DCLK2: variants seen among roughly 807,000 people sequenced by gnomAD.
The protein encoded by DCLK2 is serine/threonine-protein kinase DCLK2.
Under a neutral mutation model 78.4 loss-of-function variants are expected in DCLK2, and 31 were observed. The ratio of observed to expected loss-of-function variants is 0.40; its 90% CI spans 0.30 to 0.53. The LOEUF is 0.53. Among genes scored for constraint, DCLK2 ranks in the 20% least tolerant of loss-of-function variants. The pLI is 0.61. For synonymous variants in DCLK2, 407 were observed against 374.9 expected, an observed-to-expected ratio of 1.09 and a Z score of -0.99; for missense variants, 872 against 973.7, an observed-to-expected ratio of 0.90 and a Z score of 1.39.
chr4:150,231,186 T>G (rs1742028848), intron 8 of DCLK2, among the ~76,000 whole-genome samples: 1 of 152,246 alleles, frequency 6.6e-6, no homozygotes. Context: ...CAGTGACTGT[T>G]TCCAAGGATA....
At chr4:150,184,824 A>G (rs565706722) in intron 2 of DCLK2, among the ~76,000 whole-genome samples, 9 of 151,880 alleles carry the variant, frequency 5.9e-5, no homozygotes, top group Admixed American at 3.9e-4. Flanking sequence ...GATGGTCTCA[A>G]TCTCCTGACC....
intron 1 of DCLK2, among the ~76,000 whole-genome samples, chr4:150,093,069 T>C (rs1196636193): frequency 6.6e-6 from 1 of 152,328 alleles, no homozygotes; most frequent in East Asian, 1.9e-4. Flanking sequence ...GTTAAACTAA[T>C]ACATTCAGTA....
At chr4:150,237,502 A>G in intron 10 of DCLK2, among the ~76,000 whole-genome samples, 1 of 152,204 alleles carries the variant, frequency 6.6e-6, no homozygotes, top group Non-Finnish European at 1.5e-5. Flanking sequence ...AAGACTGGAA[A>G]ACGTTATTCA....
intron 5 of DCLK2, among the ~76,000 whole-genome samples, chr4:150,204,855 G>A (rs1739728210): frequency 6.6e-6 from 1 of 151,366 alleles, no homozygotes; most frequent in South Asian, 2.1e-4. Flanking sequence ...TCGCGCCGCT[G>A]CACTCCAGCC....
intron 2 of DCLK2, among the ~76,000 whole-genome samples, chr4:150,138,321 A>ATC (rs1481877981): frequency 6.6e-6 from 1 of 152,172 alleles, no homozygotes; most frequent in Non-Finnish European, 1.5e-5. Flanking sequence ...TGAAAACAGA[A>ATC]TAAGAGGCCG....
At chr4:150,143,384 C>G (rs1404378493) in intron 2 of DCLK2, among the ~76,000 whole-genome samples, 4 of 152,128 alleles carry the variant, frequency 2.6e-5, no homozygotes, top group Non-Finnish European at 5.9e-5. Context: ...TGGCTCATGC[C>G]TGTGATCTCA....
At chr4:150,119,878 C>G (rs1306262346) in intron 2 of DCLK2, among the ~76,000 whole-genome samples, 1 of 152,094 alleles carries the variant, frequency 6.6e-6, no homozygotes, top group Non-Finnish European at 1.5e-5. Flanking sequence ...TGCCTCTATG[C>G]CAAAAGCCCT....
chr4:150,100,412 C>G (rs542562324), intron 1 of DCLK2, among the ~76,000 whole-genome samples: 4 of 152,260 alleles, frequency 2.6e-5, no homozygotes, highest in African/African-American at 9.6e-5. Flanking sequence ...TGTGTAGAAA[C>G]AGGTTGACCA....
At chr4:150,237,408 A>G (rs921307729) in intron 10 of DCLK2, among the ~76,000 whole-genome samples, 6 of 152,222 alleles carry the variant, frequency 3.9e-5, no homozygotes, top group Admixed American at 6.5e-5. Flanking sequence ...GTAAATATCT[A>G]TGAGGGACTC....
chr4:150,249,439 G>C, intron 14 of DCLK2, 129 bp from the exon 15 acceptor site: 1 of 721,310 alleles, frequency 1.4e-6, no homozygotes, highest in Non-Finnish European at 2.5e-6. Flanking sequence ...CTAATTCTGT[G>C]GCTAAGAGGG....
chr4:150,249,715 T>C (rs755811746), intron 15 of DCLK2, 31 bp downstream of exon 15: 1 of 1,578,688 alleles, frequency 6.3e-7, no homozygotes, highest in African/African-American at 1.3e-5. Context: ...CTGGCCTGAC[T>C]GCGGAGCCGG....
At chr4:150,089,457 G>A (rs1311361543) in intron 1 of DCLK2, among the ~76,000 whole-genome samples, 7 of 152,144 alleles carry the variant, frequency 4.6e-5, no homozygotes, top group Admixed American at 2.0e-4. Flanking sequence ...ACTATGCCCT[G>A]TTTATTTACA....
chr4:150,117,481 C>T (rs145177829), intron 2 of DCLK2, among the ~76,000 whole-genome samples: 34 of 152,282 alleles, frequency 2.2e-4, no homozygotes, highest in African/African-American at 7.7e-4. Flanking sequence ...TTCCCACTCA[C>T]CCCTTGGTTC....
At chr4:150,108,665 TAATAA>T (rs1731444339) in intron 2 of DCLK2, among the ~76,000 whole-genome samples, 1 of 152,180 alleles carries the variant, frequency 6.6e-6, no homozygotes, top group African/African-American at 2.4e-5. Flanking sequence ...GACATTCTCA[TAATAA>T]AATACAGCAA....
intron 2 of DCLK2, among the ~76,000 whole-genome samples, chr4:150,106,567 A>T (rs1419029200): frequency 6.6e-6 from 1 of 152,172 alleles, no homozygotes; most frequent in Non-Finnish European, 1.5e-5. Context: ...TCCTACCCAG[A>T]TTGGTTGTTT....
intron 2 of DCLK2, among the ~76,000 whole-genome samples, chr4:150,177,226 G>A (rs1737155027): frequency 6.6e-6 from 1 of 151,696 alleles, no homozygotes; most frequent in Non-Finnish European, 1.5e-5. Flanking sequence ...ATCTTGCAGG[G>A]TTTTTTTTGT....
chr4:150,115,053 C>T (rs1253304957), intron 2 of DCLK2, among the ~76,000 whole-genome samples: 1 of 152,162 alleles, frequency 6.6e-6, no homozygotes, highest in African/African-American at 2.4e-5. Flanking sequence ...TTTATATAAT[C>T]CTGTATTTTC....
chr4:150,118,836 G>C (rs1732301822), intron 2 of DCLK2, among the ~76,000 whole-genome samples: 2 of 151,934 alleles, frequency 1.3e-5, no homozygotes, highest in African/African-American at 4.8e-5. Flanking sequence ...GACCAGCCTG[G>C]CCAACATGGG....
intron 2 of DCLK2, among the ~76,000 whole-genome samples, chr4:150,107,965 T>C (rs1056980174): frequency 3.3e-5 from 5 of 152,088 alleles, no homozygotes; most frequent in South Asian, 4.1e-4. Context: ...AGTGAGATCC[T>C]GACTCAAAAA....
Sources: allele counts gnomAD v4.1 joint callset (sites outside exome capture counted in the v4.1 genomes callset), GRCh38; gene constraint gnomAD v4.1.1; transcripts MANE v1.5; gene names NCBI Gene and HGNC (gene_info 2026-07-23, HGNC 2026-07-21).